Variants in SCHIP1 observed in about 807,000 individuals in gnomAD.
The protein encoded by SCHIP1 is schwannomin interacting protein 1, also known as schwannomin-interacting protein 1.
In SCHIP1, 8 loss-of-function variants were observed where a neutral mutation model predicts 29.7. The ratio of observed to expected loss-of-function variants is 0.27; its 90% CI spans 0.16 to 0.49. The LOEUF is 0.49. SCHIP1 is among the 20% of genes least tolerant of loss of function. The pLI is 0.99. For missense variants in SCHIP1, 193 were observed against 294.6 expected, an observed-to-expected ratio of 0.66 and a Z score of 2.52; for synonymous variants, 76 against 94.9, an observed-to-expected ratio of 0.80 and a Z score of 1.16.
the SCHIP1 span, among the ~76,000 whole-genome samples, chr3:159,495,349 T>C: frequency 6.6e-6 from 1 of 152,214 alleles, no homozygotes; most frequent in Non-Finnish European, 1.5e-5. Context: ...ATTGTATATC[T>C]AGAAAACCCC....
At chr3:159,777,649 G>C in the SCHIP1 span, among the ~76,000 whole-genome samples, 1 of 152,062 alleles carries the variant, frequency 6.6e-6, no homozygotes, top group Non-Finnish European at 1.5e-5. Flanking sequence ...TAAGAACAGA[G>C]TATCTGAAAT....
chr3:159,454,577 G>A, the SCHIP1 span, among the ~76,000 whole-genome samples: 2 of 152,202 alleles, frequency 1.3e-5, no homozygotes, highest in Admixed American at 6.5e-5. Flanking sequence ...GGTTTGGGAA[G>A]GGGGCATGGT....
At chr3:159,626,203 G>T in the SCHIP1 span, among the ~76,000 whole-genome samples, 23 of 115,806 alleles carry the variant, frequency 2.0e-4, 1 homozygote, top group African/African-American at 1.3e-3. Context: ...TAGATAGATA[G>T]ATAGATATAT....
the SCHIP1 span, among the ~76,000 whole-genome samples, chr3:159,515,110 T>C: frequency 6.6e-6 from 1 of 152,112 alleles, no homozygotes; most frequent in African/African-American, 2.4e-5. Context: ...CCATAACCCC[T>C]GGCTGGGATT....
chr3:159,678,023 C>A, the SCHIP1 span, among the ~76,000 whole-genome samples: 43 of 152,290 alleles, frequency 2.8e-4, no homozygotes, highest in African/African-American at 8.4e-4. Context: ...TTCAAAAGAA[C>A]CTTTATCAGA....
At chr3:159,795,118 G>A in the SCHIP1 span, among the ~76,000 whole-genome samples, 2 of 152,154 alleles carry the variant, frequency 1.3e-5, no homozygotes, top group African/African-American at 4.8e-5. Flanking sequence ...ATATAGATGT[G>A]GTTAATAAGT....
At chr3:159,427,826 G>T in the SCHIP1 span, among the ~76,000 whole-genome samples, 7 of 152,162 alleles carry the variant, frequency 4.6e-5, no homozygotes, top group African/African-American at 1.7e-4. Flanking sequence ...AAAACAGCAT[G>T]GTACTGGTAC....
the SCHIP1 span, among the ~76,000 whole-genome samples, chr3:159,378,635 G>A: frequency 1.3e-5 from 2 of 152,128 alleles, no homozygotes; most frequent in African/African-American, 4.8e-5. Context: ...TTCACTCTTT[G>A]AACTCCCGGT....
intron 5 of SCHIP1, 32 bp downstream of exon 6, chr3:159,888,975 T>C (rs946257181): frequency 1.2e-6 from 2 of 1,609,626 alleles, no homozygotes; most frequent in African/African-American, 2.7e-5. Context: ...AAATAGGATA[T>C]TCAATGTAAA....
At chr3:159,281,266 T>C in the SCHIP1 span, among the ~76,000 whole-genome samples, 1 of 152,240 alleles carries the variant, frequency 6.6e-6, no homozygotes, top group Non-Finnish European at 1.5e-5. Context: ...GAAGACCTGC[T>C]AGAATCTGGG....
At chr3:159,582,793 C>T in the SCHIP1 span, among the ~76,000 whole-genome samples, 7 of 148,106 alleles carry the variant, frequency 4.7e-5, no homozygotes, top group South Asian at 6.3e-4. Flanking sequence ...TATATACACA[C>T]ACACACACAC....
the SCHIP1 span, among the ~76,000 whole-genome samples, chr3:159,396,689 C>A: frequency 6.7e-3 from 1,022 of 152,300 alleles, 10 homozygotes; most frequent in South Asian, 0.033. Context: ...CTGAGAGATC[C>A]GCTGTTAGTC....
At chr3:159,660,488 T>C in the SCHIP1 span, among the ~76,000 whole-genome samples, 1 of 151,992 alleles carries the variant, frequency 6.6e-6, no homozygotes, top group South Asian at 2.1e-4. Context: ...GATCTGTGTG[T>C]GTATATATAT....
chr3:159,597,838 C>T, the SCHIP1 span, among the ~76,000 whole-genome samples: 1 of 152,148 alleles, frequency 6.6e-6, no homozygotes. Flanking sequence ...CGTTTTCACA[C>T]TGTGAAAGAT....
Position 159,861,481 on chromosome 3 carries a change from T to C in SCHIP1, c.31-4682T>C, listed in dbSNP as rs1294108903. ...ATTGGTGTTCAGAGTCTGCAAGTGC[T>C]CAGTGGTCTGTTCTAAGATCATGGT... On this transcript the variant is annotated intron_variant, in intron 1 of 6. Transcript: ENST00000445224. The surrounding 1 kb of genome is among the most constrained non-coding windows in gnomAD (Gnocchi z 4.1). Among the ~76,000 whole-genome samples the C allele has an allele frequency of 6.6e-6, 1 of 152,208 alleles. No homozygotes were observed. Among genetic ancestry groups the C allele is most frequent in the African/African-American group, 2.4e-5 (1 of 41,444 alleles).
the SCHIP1 span, among the ~76,000 whole-genome samples, chr3:159,727,435 G>T: frequency 6.6e-6 from 1 of 152,172 alleles, no homozygotes; most frequent in African/African-American, 2.4e-5. Context: ...AGCCCAGCAT[G>T]TTGTAGACTG....
At chr3:159,773,607 A>G in the SCHIP1 span, among the ~76,000 whole-genome samples, 1 of 152,242 alleles carries the variant, frequency 6.6e-6, no homozygotes, top group Admixed American at 6.5e-5. Flanking sequence ...AAGAGCTTCC[A>G]AAACTGGAAG....
At chr3:159,338,680 G>T in the SCHIP1 span, among the ~76,000 whole-genome samples, 6 of 152,212 alleles carry the variant, frequency 3.9e-5, no homozygotes, top group Non-Finnish European at 2.9e-5. Context: ...AGAGATAATA[G>T]TGGCTTGAAT....
the SCHIP1 span, among the ~76,000 whole-genome samples, chr3:159,472,720 G>A: frequency 6.6e-6 from 1 of 152,192 alleles, no homozygotes; most frequent in Non-Finnish European, 1.5e-5. Flanking sequence ...CTATGCCAAA[G>A]GAAATTGGCC....
Sources: allele counts gnomAD v4.1 joint callset (sites outside exome capture counted in the v4.1 genomes callset), GRCh38; gene constraint gnomAD v4.1.1; non-coding constraint Gnocchi (gnomAD v3.1); transcripts MANE v1.5; gene names NCBI Gene and HGNC (gene_info 2026-07-23, HGNC 2026-07-21).